The following ANKS1B variants were observed in gnomAD, a reference collection of about 807,000 sequenced individuals.
The protein encoded by ANKS1B is ankyrin repeat and sterile alpha motif domain-containing protein 1B.
In ANKS1B, 36 loss-of-function variants were observed where a neutral mutation model predicts 148.3. The ratio of observed to expected loss-of-function variants is 0.24; its 90% CI spans 0.19 to 0.32. The LOEUF is 0.32. Among genes scored for constraint, ANKS1B ranks in the 10% least tolerant of loss-of-function variants. The pLI is 1.00. For missense variants in ANKS1B, 1,157 were observed against 1,542.6 expected (o/e 0.75, Z 4.19); for synonymous variants, 542 against 560.8 (o/e 0.97, Z 0.47).
intron 17 of ANKS1B, among the ~76,000 whole-genome samples, chr12:99,046,705 A>G (rs2099962621): frequency 1.3e-5 from 2 of 152,148 alleles, no homozygotes; most frequent in South Asian, 4.2e-4. Flanking sequence ...AGGCTGAGGC[A>G]GAAGAATGGT....
chr12:99,710,895 T>C (rs1175876138), intron 8 of ANKS1B, among the ~76,000 whole-genome samples: 2 of 152,152 alleles, frequency 1.3e-5, no homozygotes, highest in Admixed American at 6.5e-5. Context: ...TCATTTTCCC[T>C]CAACTCTTTC....
chr12:99,633,801 C>T (rs1210967306), intron 9 of ANKS1B, among the ~76,000 whole-genome samples: 2 of 152,094 alleles, frequency 1.3e-5, no homozygotes, highest in African/African-American at 4.8e-5. Context: ...AAAAAAACAA[C>T]CCCATCAACA....
At chr12:99,927,038 T>C (rs1245277878) in intron 1 of ANKS1B, among the ~76,000 whole-genome samples, 1 of 152,192 alleles carries the variant, frequency 6.6e-6, no homozygotes, top group Non-Finnish European at 1.5e-5. Context: ...AATTAGATTT[T>C]TGAAATTTGT....
intron 22 of ANKS1B, among the ~76,000 whole-genome samples, chr12:98,788,960 A>C (rs535591254): frequency 6.6e-6 from 1 of 152,342 alleles, no homozygotes; most frequent in South Asian, 2.1e-4. Flanking sequence ...TTAATTCTTC[A>C]TGGTTTCTCA....
intron 12 of ANKS1B, among the ~76,000 whole-genome samples, chr12:99,290,653 CAGAAT>C (rs1322316902): frequency 1.3e-5 from 2 of 151,632 alleles, no homozygotes; most frequent in African/African-American, 4.8e-5. Context: ...ATCATATCAA[CAGAAT>C]AAAGGGAAAA....
At position 99,929,125 on chromosome 12, in the gene ANKS1B, T is replaced by A. The variant is rs186603617; in HGVS notation, c.134+54979A>T. Among the ~76,000 whole-genome samples, 34 of 152,312 alleles carry A rather than the reference T, an allele frequency of 2.2e-4. No homozygotes were observed. In the East Asian group the frequency reaches 4.2e-3, roughly 19 times the overall value. On this transcript the variant is annotated intron_variant, in intron 1 of 26. Transcript: ENST00000683438. Reference sequence around the variant, plus strand: ...AGGTAATGAATACAATATTTCAGGTTCAGCTCACAGAACTAATTTTCATAA... The same window carrying A: ...AGGTAATGAATACAATATTTCAGGTACAGCTCACAGAACTAATTTTCATAA...
chr12:98,899,771 A>G (rs2099769619), intron 17 of ANKS1B, among the ~76,000 whole-genome samples: 1 of 152,234 alleles, frequency 6.6e-6, no homozygotes, highest in Non-Finnish European at 1.5e-5. Context: ...AGCATTAACT[A>G]TAGTATCTGT....
chr12:99,426,816 C>A (rs906243923), intron 11 of ANKS1B, among the ~76,000 whole-genome samples: 2 of 152,024 alleles, frequency 1.3e-5, no homozygotes, highest in African/African-American at 4.8e-5. Context: ...CTTATACAAA[C>A]CAAACAGACA....
At chr12:99,800,238 C>G (rs2066770602) in intron 4 of ANKS1B, among the ~76,000 whole-genome samples, 1 of 151,860 alleles carries the variant, frequency 6.6e-6, no homozygotes, top group Non-Finnish European at 1.5e-5. Context: ...CATTCACGCA[C>G]AGAAGAAAGG....
At chr12:99,217,319 C>T (rs950539010) in intron 14 of ANKS1B, among the ~76,000 whole-genome samples, 2 of 151,856 alleles carry the variant, frequency 1.3e-5, no homozygotes, top group Non-Finnish European at 2.9e-5. Flanking sequence ...ATTCTGAGAA[C>T]CTGCTAAATT....
chr12:99,608,002 C>T (rs182191884), intron 9 of ANKS1B, among the ~76,000 whole-genome samples: 94 of 152,034 alleles, frequency 6.2e-4, no homozygotes, highest in Non-Finnish European at 1.3e-4. Context: ...TGAGCCTAGG[C>T]AAAAATTCAG....
intron 10 of ANKS1B, among the ~76,000 whole-genome samples, chr12:99,500,859 T>G (rs2096648633): frequency 6.6e-6 from 1 of 152,206 alleles, no homozygotes; most frequent in Non-Finnish European, 1.5e-5. Flanking sequence ...CCTCTGGAAC[T>G]TTGATTAGAC....
intron 12 of ANKS1B, among the ~76,000 whole-genome samples, chr12:99,353,414 G>T (rs1019107237): frequency 6.6e-6 from 1 of 151,876 alleles, no homozygotes; most frequent in Non-Finnish European, 1.5e-5. Flanking sequence ...TAACATACTG[G>T]TTTCTCATGT....
At chr12:99,248,618 A>G (rs1274887661) in intron 12 of ANKS1B, among the ~76,000 whole-genome samples, 1 of 152,196 alleles carries the variant, frequency 6.6e-6, no homozygotes, top group Non-Finnish European at 1.5e-5. Context: ...TAGTGAGTGG[A>G]TAGTGGGATA....
intron 9 of ANKS1B, among the ~76,000 whole-genome samples, chr12:99,515,039 T>C (rs1215630240): frequency 6.6e-6 from 1 of 152,036 alleles, no homozygotes; most frequent in African/African-American, 2.4e-5. Context: ...ATATGCAACT[T>C]TTGTGGGTGT....
intron 6 of ANKS1B, among the ~76,000 whole-genome samples, chr12:99,777,607 C>T (rs1011379850): frequency 5.3e-5 from 8 of 152,014 alleles, no homozygotes; most frequent in Non-Finnish European, 8.8e-5. Flanking sequence ...TTGTTTGAGA[C>T]GGAGTCTCGC....
chr12:99,622,081 A>T (rs1198577657), intron 9 of ANKS1B, among the ~76,000 whole-genome samples: 1 of 152,090 alleles, frequency 6.6e-6, no homozygotes, highest in African/African-American at 2.4e-5. Context: ...AACAAAAATA[A>T]AAATTATTAT....
intron 17 of ANKS1B, among the ~76,000 whole-genome samples, chr12:98,970,517 T>A (rs1476265703): frequency 6.6e-6 from 1 of 152,218 alleles, no homozygotes; most frequent in Non-Finnish European, 1.5e-5. Flanking sequence ...GCAATAATCT[T>A]AAGCAAAATT....
At position 99,324,749 on chromosome 12, in the gene ANKS1B, G is replaced by T. The variant is rs533579634; in HGVS notation, c.1756+74882C>A. 2.0e-5 allele frequency among the ~76,000 whole-genome samples: 3 copies of T among 152,214 alleles called. No homozygotes were observed. In the East Asian group the frequency reaches 5.8e-4, roughly 29 times the overall value. On this transcript the variant is annotated intron_variant, in intron 12 of 26. Coordinates refer to ENST00000683438, the MANE Select transcript of ANKS1B (RefSeq NM_001352186.2). ...GCTGTACAAAGTTACCTCTTTTCAAGAGAGTCAGTCTGCCCTTGAAACTTA... is the reference window on the plus strand; with the variant it reads ...GCTGTACAAAGTTACCTCTTTTCAATAGAGTCAGTCTGCCCTTGAAACTTA...
Sources: allele counts gnomAD v4.1 joint callset (sites outside exome capture counted in the v4.1 genomes callset), GRCh38; gene constraint gnomAD v4.1.1; transcripts MANE v1.5; gene names NCBI Gene and HGNC (gene_info 2026-07-23, HGNC 2026-07-21).